NELFB: variants seen among roughly 807,000 people sequenced by gnomAD.
The protein encoded by NELFB is negative elongation factor B.
NELFB carries 34 observed loss-of-function variants against 60.2 expected under a neutral mutation model. The ratio of observed to expected loss-of-function variants is 0.56; its 90% CI spans 0.43 to 0.75. The LOEUF is 0.75. NELFB is among the 30% of genes least tolerant of loss of function. The pLI is 0.00. For missense variants in NELFB, 770 were observed against 831.6 expected (o/e 0.93, Z 0.91); for synonymous variants, 459 against 382.1 (o/e 1.20, Z -2.35).
chr9:137,263,053 C>T lies in NELFB; in HGVS notation c.758C>T (p.Thr253Met), dbSNP rs753658862. Reference sequence around the variant, plus strand: ...TTGCTGCAGGTGGTGCAGCGGCTGACGCGGATGGTGGGGAAGAACGTGAAG... The same window carrying T: ...TTGCTGCAGGTGGTGCAGCGGCTGATGCGGATGGTGGGGAAGAACGTGAAG... Residue 253 changes from threonine to methionine, a missense_variant, in exon 5 of 13, where the codon ACG becomes ATG. Thr to Met is a moderately conservative substitution (Grantham distance 81, BLOSUM62 -1). Coordinates refer to ENST00000343053, the MANE Select transcript of NELFB (RefSeq NM_015456.5). 2.3e-5 allele frequency: 37 copies of T among 1,612,900 alleles called. No individual in the cohort carries two copies. The highest frequency in any genetic ancestry group is 3.1e-5 in the Non-Finnish European group (36 of 1,179,078).
intron 7 of NELFB, 90 bp downstream of exon 7, chr9:137,266,069 G>C (rs890323469): frequency 6.6e-6 from 7 of 1,052,760 alleles, no homozygotes; most frequent in African/African-American, 3.1e-5. Flanking sequence ...GCAGCGGCCA[G>C]GTGGAGGCAG....
intron 4 of NELFB, among the ~76,000 whole-genome samples, chr9:137,261,068 C>T (rs1039178552): frequency 3.4e-4 from 47 of 137,706 alleles, no homozygotes; most frequent in African/African-American, 1.0e-3. Context: ...AAAAGCTGGG[C>T]GCAGTGACTC....
At chr9:137,256,592 G>A (rs117517572) in intron 3 of NELFB, among the ~76,000 whole-genome samples, 164 bp downstream of exon 3, 10 of 152,356 alleles carry the variant, frequency 6.6e-5, no homozygotes, top group Admixed American at 5.9e-4. Context: ...CATGAGCCGC[G>A]TGGAGACCGA....
In NELFB at chr9:137,255,543, A is replaced by C. The variant is rs1356595254; in HGVS notation, c.178A>C (p.Asn60His). ...GGGGCTGCAGGACCTGGGCGTGGCCAACGGCGAGGACCTGAAGGAGACCCT... is the reference window on the plus strand; with the variant it reads ...GGGGCTGCAGGACCTGGGCGTGGCCCACGGCGAGGACCTGAAGGAGACCCT... Residue 60 changes from asparagine to histidine, a missense_variant, in exon 1 of 13, where the codon AAC (asparagine) becomes CAC (histidine). Coordinates refer to ENST00000343053, the MANE Select transcript of NELFB (RefSeq NM_015456.5). 14 of 1,546,756 alleles carry C rather than the reference A, an allele frequency of 9.1e-6. No homozygotes were observed. The highest frequency in any genetic ancestry group is 1.2e-5 in the South Asian group (1 of 83,568).
chr9:137,262,028 G>GC (rs1266820323), intron 4 of NELFB, among the ~76,000 whole-genome samples: 6 of 152,130 alleles, frequency 3.9e-5, no homozygotes, highest in Admixed American at 6.6e-5. Flanking sequence ...CGTTATTTCT[G>GC]CGTATCAGAG....
At chr9:137,270,280 C>CAAA (rs989557010) in intron 10 of NELFB, among the ~76,000 whole-genome samples, 11 of 53,290 alleles carry the variant, frequency 2.1e-4, no homozygotes, top group African/African-American at 4.8e-4. Context: ...GACTCCGTCT[C>CAAA]AAAAAAAAAA....
At chr9:137,259,496 C>T (rs1830397563) in intron 4 of NELFB, among the ~76,000 whole-genome samples, 1 of 152,162 alleles carries the variant, frequency 6.6e-6, no homozygotes, top group African/African-American at 2.4e-5. Flanking sequence ...TTGGACCCCT[C>T]TGCTAACTGT....
In NELFB at chr9:137,266,391, A is replaced by G. The variant is rs751451381; in HGVS notation, c.1204A>G (p.Met402Val). Reference sequence around the variant, plus strand: ...GGCGCTGGGCCAGGGAGCCTGGGACATGATCGACAGCCAGGTCTTCAAGGA... The same window carrying G: ...GGCGCTGGGCCAGGGAGCCTGGGACGTGATCGACAGCCAGGTCTTCAAGGA... The change falls in exon 8 of 13, where the codon ATG becomes GTG. Residue 402 changes from methionine (M) to valine (V), a missense_variant. By Grantham distance (21) the Met-to-Val change is conservative (BLOSUM62 1). Transcript: ENST00000343053. The G allele has an allele frequency of 2.1e-5, 34 of 1,612,834 alleles. No homozygotes were observed. The South Asian group carries it at 2.4e-4, about 11-fold the overall frequency.
rs924778997 is a variant in NELFB, at chr9:137,255,387, G to A, written c.22G>A (p.Gly8Arg). 9.8e-6 allele frequency: 7 copies of A among 715,926 alleles called. No individual in the cohort carries two copies. The highest frequency in any genetic ancestry group is 1.4e-5 in the Non-Finnish European group (7 of 512,490). 44.3% of individuals were successfully genotyped at this position (715,926 alleles called of 1,614,324 possible). A position where few individuals can be genotyped will look rare whatever the true frequency, so the allele number is the denominator to read the frequency against. Reference sequence around the variant, plus strand: ...GGACCTGGCCGAGCTGGAGGGCGCCGGGGAGCGGGGCTCGGGCGGTCCCCG... The same window carrying A: ...GGACCTGGCCGAGCTGGAGGGCGCCAGGGAGCGGGGCTCGGGCGGTCCCCG... Residue 8 changes from glycine (G) to arginine (R), a missense_variant, in exon 1 of 13, where the codon GGG becomes AGG. Physicochemically the swap from Gly to Arg is moderately radical, Grantham distance 125. Coordinates refer to ENST00000343053, the MANE Select transcript of NELFB (RefSeq NM_015456.5).
chr9:137,266,961 C>G lies in NELFB; in HGVS notation c.1257C>G (p.Thr419=), dbSNP rs898768655. ...CCTCGTAGGAGGTAGAGCTCATCAC[C>G]AGGTTCCTCCCGATGCTCATGTCCT... is the stretch of plus-strand genomic sequence containing the variant. Residue 419 remains threonine, a synonymous_variant, in exon 9 of 13, where the codon ACC becomes ACG. Coordinates refer to ENST00000343053, the MANE Select transcript of NELFB (RefSeq NM_015456.5). 10 of 1,613,590 alleles carry G rather than the reference C, an allele frequency of 6.2e-6. No homozygotes were observed. Among genetic ancestry groups the G allele is most frequent in the Non-Finnish European group, 8.5e-6 (10 of 1,179,982 alleles).
chr9:137,263,123 C>G lies in NELFB; in HGVS notation c.828C>G (p.Arg276=). ...AGTTTCTGCGCACGCTCTTCCTGCG[C>G]ACGCGGAATGTGCACTACTGCACGC... Residue 276 remains arginine, a synonymous_variant, in exon 5 of 13, where the codon CGC becomes CGG. Coordinates refer to ENST00000343053, the MANE Select transcript of NELFB (RefSeq NM_015456.5). 6.2e-7 allele frequency: 1 copy of G among 1,614,122 alleles called. No individual in the cohort carries two copies. Among genetic ancestry groups the G allele is most frequent in the South Asian group, 1.1e-5 (1 of 91,090 alleles).
At chr9:137,257,613 C>T (rs1020655294) in intron 4 of NELFB, among the ~76,000 whole-genome samples, 33 of 151,888 alleles carry the variant, frequency 2.2e-4, no homozygotes, top group Admixed American at 1.8e-3. Flanking sequence ...AGCAATTCTC[C>T]TGCCTCAGCC....
intron 10 of NELFB, among the ~76,000 whole-genome samples, chr9:137,268,445 G>T (rs1209242439): frequency 6.6e-6 from 1 of 152,210 alleles, no homozygotes; most frequent in African/African-American, 2.4e-5. Context: ...AATTGGTTGG[G>T]CATGGTGGTG....
intron 6 of NELFB, among the ~76,000 whole-genome samples, chr9:137,264,714 G>A (rs991173894): frequency 1.3e-5 from 2 of 152,226 alleles, no homozygotes; most frequent in South Asian, 4.1e-4. Flanking sequence ...TGATCCACCC[G>A]CCTCAGCCTT....
chr9:137,256,944 C>A lies in NELFB; in HGVS notation c.631C>A (p.Pro211Thr), dbSNP rs565334776. ...GGCCCTCTTCGGGGACGAGGTTTCC[C>A]CACTCCTGAAGCAGTACATCCTGGA... Residue 211 changes from proline (P) to threonine (T), a missense_variant, in exon 4 of 13, where the codon CCA (proline) becomes ACA (threonine). Physicochemically the swap from Pro to Thr is conservative, Grantham distance 38. Transcript: ENST00000343053. 16 of 1,614,066 alleles carry A rather than the reference C, an allele frequency of 9.9e-6. No individual in the cohort carries two copies. The highest frequency in any genetic ancestry group is 1.4e-5 in the Non-Finnish European group (16 of 1,180,048).
chr9:137,262,783 T>C (rs1830465457), intron 4 of NELFB, among the ~76,000 whole-genome samples: 1 of 152,114 alleles, frequency 6.6e-6, no homozygotes, highest in Non-Finnish European at 1.5e-5. Flanking sequence ...TGAGCCACAG[T>C]TGCAGCAGTG....
rs749624326 is a variant in NELFB, at chr9:137,267,015, G to C, written c.1311G>C (p.Val437=). 3 of 1,614,068 alleles carry C rather than the reference G, an allele frequency of 1.9e-6. No individual in the cohort carries two copies. The Admixed American group carries it at 5.0e-5, about 27-fold the overall frequency. Residue 437 remains valine (V), a synonymous_variant, in exon 9 of 13, where the codon GTG becomes GTC. Coordinates refer to ENST00000343053, the MANE Select transcript of NELFB (RefSeq NM_015456.5). ...TGGTGGATGACTACACTTTCAATGT[G>C]GATCAGAAACTTCCGGCTGAGGAGA... is the stretch of plus-strand genomic sequence containing the variant.
At chr9:137,266,740 G>T (rs1226377856) in intron 8 of NELFB, among the ~76,000 whole-genome samples, 1 of 152,120 alleles carries the variant, frequency 6.6e-6, no homozygotes, top group African/African-American at 2.4e-5. Context: ...CTCCATGTGG[G>T]TCCAGACCTA....
chr9:137,262,714 C>A (rs953299498), intron 4 of NELFB, among the ~76,000 whole-genome samples: 3 of 152,132 alleles, frequency 2.0e-5, no homozygotes, highest in Admixed American at 2.0e-4. Flanking sequence ...AATTGTAGTC[C>A]CAGCTACTTG....
Sources: gnomAD v4.1 joint callset for allele counts (sites outside exome capture counted in the v4.1 genomes callset) on GRCh38, gnomAD v4.1.1 for gene constraint, MANE v1.5 for transcripts, NCBI Gene and HGNC (gene_info 2026-07-23, HGNC 2026-07-21) for gene names.